Variants in SAMD12 observed in about 807,000 individuals in gnomAD.
The protein encoded by SAMD12 is sterile alpha motif domain containing 12, also known as sterile alpha motif domain-containing protein 12.
A neutral mutation model predicts 15.0 loss-of-function variants in SAMD12; 9 were observed. The ratio of observed to expected loss-of-function variants is 0.60; its 90% CI spans 0.36 to 1.05. SAMD12 has a LOEUF of 1.05. SAMD12 is among the 50% of genes least tolerant of loss of function. The pLI, the probability that SAMD12 is intolerant of heterozygous loss-of-function variation, is 0.01. For synonymous variants in SAMD12, 86 were observed against 90.1 expected (o/e 0.96, Z 0.25); for missense variants, 230 against 234.2 (o/e 0.98, Z 0.12).
At chr8:118,454,874 T>G (rs1394035643) in intron 2 of SAMD12, among the ~76,000 whole-genome samples, 1 of 152,186 alleles carries the variant, frequency 6.6e-6, no homozygotes, top group Non-Finnish European at 1.5e-5. Flanking sequence ...CTCATATAAG[T>G]GGATTCAGGC....
chr8:118,219,747 A>G (rs771039969), intron 4 of SAMD12, among the ~76,000 whole-genome samples: 51 of 152,204 alleles, frequency 3.4e-4, no homozygotes, highest in Non-Finnish European at 6.5e-4. Flanking sequence ...TCTTGCAGCC[A>G]TCCCTGCCAA....
chr8:118,453,697 T>C (rs1439915319), intron 2 of SAMD12, among the ~76,000 whole-genome samples: 2 of 152,040 alleles, frequency 1.3e-5, no homozygotes, highest in Admixed American at 6.5e-5. Flanking sequence ...GTTTTTATTT[T>C]TTTGTAGGGA....
chr8:118,162,549 C>A, the SAMD12 span, among the ~76,000 whole-genome samples: 3 of 151,700 alleles, frequency 2.0e-5, no homozygotes, highest in Admixed American at 6.6e-5. Flanking sequence ...AATTTGAGAT[C>A]CTGATGACTT....
At chr8:118,234,593 C>T (rs916077443) in intron 4 of SAMD12, among the ~76,000 whole-genome samples, 1 of 151,654 alleles carries the variant, frequency 6.6e-6, no homozygotes, top group Admixed American at 6.6e-5. Flanking sequence ...TGGCTATAGT[C>T]CCAGCTACTT....
At chr8:118,303,056 C>T (rs1369647228) in intron 4 of SAMD12, among the ~76,000 whole-genome samples, 1 of 152,182 alleles carries the variant, frequency 6.6e-6, no homozygotes, top group Non-Finnish European at 1.5e-5. Flanking sequence ...GAAGACTCAT[C>T]CATCATCAAA....
chr8:118,348,234 G>A lies in SAMD12; in HGVS notation c.433+31326C>T, dbSNP rs538394730. 2.0e-5 allele frequency among the ~76,000 whole-genome samples: 3 copies of A among 152,146 alleles called. No individual in the cohort carries two copies. The East Asian group carries it at 5.8e-4, about 29-fold the overall frequency. The stretch of plus-strand genomic sequence containing the variant: ...TGGCACTACAGGTATGTGCTACCAT[G>A]CCTGGCTAAATTTTTGTAGAGACAG... On this transcript the variant is annotated intron_variant, in intron 4 of 4. Coordinates refer to the SAMD12 transcript ENST00000409003.
intron 4 of SAMD12, among the ~76,000 whole-genome samples, chr8:118,325,742 G>A (rs919653813): frequency 3.9e-5 from 6 of 152,108 alleles, no homozygotes; most frequent in Non-Finnish European, 8.8e-5. Flanking sequence ...CAGGCCCCTG[G>A]CAACCTAATT....
At chr8:118,559,972 A>C (rs1276049109) in intron 2 of SAMD12, among the ~76,000 whole-genome samples, 10 of 152,238 alleles carry the variant, frequency 6.6e-5, no homozygotes, top group Admixed American at 4.6e-4. Context: ...AGAAACAGTT[A>C]AAGAAGATTC....
At chr8:118,552,619 A>G (rs914025054) in intron 2 of SAMD12, among the ~76,000 whole-genome samples, 26 of 152,228 alleles carry the variant, frequency 1.7e-4, no homozygotes, top group Non-Finnish European at 3.2e-4. Context: ...GAAAACTGGC[A>G]CAAGACAGGG....
At chr8:118,367,727 A>C (rs1818872996) in intron 4 of SAMD12, among the ~76,000 whole-genome samples, 1 of 152,228 alleles carries the variant, frequency 6.6e-6, no homozygotes, top group Non-Finnish European at 1.5e-5. Context: ...GACTTAAAAC[A>C]TTGAGCTGTG....
At chr8:118,331,890 G>T (rs74847551) in intron 4 of SAMD12, among the ~76,000 whole-genome samples, 3 of 152,280 alleles carry the variant, frequency 2.0e-5, no homozygotes, top group East Asian at 1.9e-4. Context: ...TGAATCAATG[G>T]ATTGTTTGTC....
At position 118,548,421 on chromosome 8, in the gene SAMD12, A is replaced by G. The variant is rs568368387; in HGVS notation, c.192+32294T>C. Among the ~76,000 whole-genome samples the G allele has an allele frequency of 1.9e-3, 230 of 120,666 alleles. 2 individuals are homozygous for G. The highest frequency in any genetic ancestry group is 7.0e-3 in the African/African-American group (224 of 32,168). The allele number at this position is 120,666 out of a possible 152,430, so 79.2% of individuals were successfully genotyped here. On this transcript the variant is annotated intron_variant, in intron 2 of 3. Transcript: ENST00000314727. Reference sequence around the variant, plus strand: ...CACACACACACACACACACACACACACACCCCATGTGATGGGTAACTTAAT... The same window carrying G: ...CACACACACACACACACACACACACGCACCCCATGTGATGGGTAACTTAAT...
rs72678154 is a variant in SAMD12, at chr8:118,542,021, T to C, written c.192+38694A>G. 8.6e-3 allele frequency among the ~76,000 whole-genome samples: 1,312 copies of C among 152,190 alleles called. 8 individuals are homozygous for C. The highest frequency in any genetic ancestry group is 0.015 in the Admixed American group (226 of 15,278). On this transcript the variant is annotated intron_variant, in intron 2 of 3. Transcript: ENST00000314727. ...TTCTTGAAAAGGACCGTGCCAAATA[T>C]CTTAGTGGGGATAAACCAAAGAAAG...
At chr8:118,179,190 C>A in the SAMD12 span, among the ~76,000 whole-genome samples, 8 of 152,124 alleles carry the variant, frequency 5.3e-5, no homozygotes, top group East Asian at 1.2e-3. Context: ...GTCTCTAATC[C>A]CAGTAGGGAG....
At chr8:118,182,235 C>A in the SAMD12 span, among the ~76,000 whole-genome samples, 1 of 152,202 alleles carries the variant, frequency 6.6e-6, no homozygotes, top group Non-Finnish European at 1.5e-5. Context: ...ACATCTACAA[C>A]TTTTTCACCC....
At chr8:118,475,357 A>T (rs1823926382) in intron 2 of SAMD12, among the ~76,000 whole-genome samples, 1 of 152,198 alleles carries the variant, frequency 6.6e-6, no homozygotes, top group South Asian at 2.1e-4. Flanking sequence ...CATGAGTGGA[A>T]GCAGCTTGTG....
At chr8:118,305,386 A>G (rs910807017) in intron 4 of SAMD12, among the ~76,000 whole-genome samples, 3 of 152,078 alleles carry the variant, frequency 2.0e-5, no homozygotes, top group Non-Finnish European at 2.9e-5. Context: ...GTGGAATCAT[A>G]TTTGTCCTTT....
intron 2 of SAMD12, among the ~76,000 whole-genome samples, chr8:118,503,973 A>C (rs1420824130): frequency 6.6e-6 from 1 of 152,080 alleles, no homozygotes; most frequent in Admixed American, 6.5e-5. Flanking sequence ...TCAAAGGCTA[A>C]ATTTTGTAAT....
intron 1 of SAMD12, among the ~76,000 whole-genome samples, chr8:118,611,686 C>A (rs1828115563): frequency 6.6e-6 from 1 of 152,244 alleles, no homozygotes; most frequent in Non-Finnish European, 1.5e-5. Context: ...AAACCCTCAA[C>A]TGAAATGTTC....
Sources: gnomAD v4.1 joint callset for allele counts (sites outside exome capture counted in the v4.1 genomes callset) on GRCh38, gnomAD v4.1.1 for gene constraint, MANE v1.5 for transcripts, NCBI Gene and HGNC (gene_info 2026-07-23, HGNC 2026-07-21) for gene names.